Variants in KMT2C observed in about 807,000 individuals in gnomAD.
The protein encoded by KMT2C is histone-lysine N-methyltransferase 2C.
In KMT2C, 88 loss-of-function variants were observed where a neutral mutation model predicts 507.9. The ratio of observed to expected loss-of-function variants is 0.17; its 90% CI spans 0.15 to 0.21. KMT2C has a LOEUF of 0.21. Ranked by LOEUF, KMT2C falls within the 10% of genes least tolerant of loss-of-function variation. The probability of loss-of-function intolerance (pLI) is 1.00; values close to 1 mark genes in which losing one functional copy is unlikely to be tolerated. For synonymous variants in KMT2C, 2,049 were observed against 2,080.8 expected (o/e 0.98, Z 0.42); for missense variants, 4,954 against 5,957.8 (o/e 0.83, Z 5.55).
rs2129164400 is a variant in KMT2C, at chr7:152,248,445, C to A, written c.1989G>T (p.Gln663His). 2 of 1,614,104 alleles carry A rather than the reference C, an allele frequency of 1.2e-6. No individual in the cohort carries two copies. Among genetic ancestry groups the A allele is most frequent in the Non-Finnish European group, 1.7e-6 (2 of 1,180,006 alleles). Residue 663 changes from glutamine to histidine, a missense_variant, in exon 14 of 59, where the codon CAG becomes CAT. This residue lies in a region of KMT2C where 376 missense variants were observed against 352.4 expected (regional missense o/e 1.07). Transcript: ENST00000262189. ...CCTCTAACAACTGCAGTTGTTCTTG[C>A]TGCACAGTGATCTGGTGTGTAACGA... ...IEVVTHQITV[Q>H]QEQLQLLEEP...
intron 3 of KMT2C, among the ~76,000 whole-genome samples, chr7:152,323,082 G>A (rs1178702958): frequency 6.6e-6 from 1 of 151,956 alleles, no homozygotes; most frequent in Non-Finnish European, 1.5e-5. Context: ...CTGTGGGGGT[G>A]TCAATTAGTA....
In KMT2C at chr7:152,252,110, T is replaced by C. The variant is rs1350032046; in HGVS notation, c.1470-20A>G. 2 of 1,541,822 alleles carry C rather than the reference T, an allele frequency of 1.3e-6. No homozygotes were observed. The highest frequency in any genetic ancestry group is 1.8e-6 in the Non-Finnish European group (2 of 1,140,112). ...ACCCACCTGCAGTGATAAGTATACT[T>C]AAATAAAAATTTCTAACATCGAGTT... On this transcript the variant is annotated intron_variant, in intron 10 of 58. Transcript: ENST00000262189.
chr7:152,249,673 C>CAAAAAAAAAAAAAAAAAAAAAAAAAAAA (rs1183345172), intron 13 of KMT2C, among the ~76,000 whole-genome samples: 2 of 34,516 alleles, frequency 5.8e-5, no homozygotes, highest in East Asian at 1.2e-3. Flanking sequence ...CTCCCCCCTC[C>CAAAAAAAAAAAAAAAAAAAAAAAAAAAA]AAAAAAAAAA....
intron 1 of KMT2C, among the ~76,000 whole-genome samples, chr7:152,425,406 T>A (rs1248118676): frequency 1.3e-5 from 2 of 152,086 alleles, no homozygotes; most frequent in Non-Finnish European, 2.9e-5. Context: ...TGAAACCCCA[T>A]CTCCATTAAA....
In KMT2C at chr7:152,215,688, T is replaced by TATATATATATATACAC. The variant is rs766518165; in HGVS notation, c.3712+4834_3712+4835insGTGTATATATATATAT. Among the ~76,000 whole-genome samples, 44 of 134,490 alleles carry TATATATATATATACAC rather than the reference T, an allele frequency of 3.3e-4. 3 individuals carry two copies. Among genetic ancestry groups the TATATATATATATACAC allele is most frequent in the African/African-American group, 1.3e-3 (39 of 29,664 alleles). 88.2% of individuals were successfully genotyped at this position (134,490 alleles called of 152,430 possible). On this transcript the variant is annotated intron_variant, in intron 23 of 58. Transcript: ENST00000262189. Reference sequence around the variant, plus strand: ...ACAAAAGGAACAAAATATATATATATACACACACACATACACACACAAAAT... The same window carrying TATATATATATATACAC: ...ACAAAAGGAACAAAATATATATATATATATATATATATACACACACACACACATACACACACAAAAT...
intron 2 of KMT2C, among the ~76,000 whole-genome samples, chr7:152,342,714 G>A (rs866200419): frequency 2.6e-5 from 4 of 151,984 alleles, no homozygotes; most frequent in South Asian, 2.1e-4. Flanking sequence ...GGGGCCCCAC[G>A]GTTTTGTGTT....
At chr7:152,222,159 C>T (rs2094792688) in intron 21 of KMT2C, 93 bp from the exon 22 acceptor site, 2 of 809,816 alleles carry the variant, frequency 2.5e-6, no homozygotes, top group Non-Finnish European at 1.9e-6. Flanking sequence ...TGTTTCTATA[C>T]TCATTTTATT....
In KMT2C at chr7:152,226,637, T is replaced by C. The variant is rs1489970947; in HGVS notation, c.2977-2021A>G. Reference sequence around the variant, plus strand: ...TGTCTTAGATTACCAAGTTAATGTATTATTTGCCCAAATGAAGGAAATGGC... The same window carrying C: ...TGTCTTAGATTACCAAGTTAATGTACTATTTGCCCAAATGAAGGAAATGGC... On this transcript the variant is annotated intron_variant, in intron 18 of 58. Coordinates refer to ENST00000262189, the MANE Select transcript of KMT2C (RefSeq NM_170606.3). Among the ~76,000 whole-genome samples, 3 of 152,224 alleles carry C rather than the reference T, an allele frequency of 2.0e-5. No homozygotes were observed. In the East Asian group the frequency reaches 5.8e-4, roughly 29 times the overall value.
chr7:152,394,154 A>T (rs562395791), intron 1 of KMT2C, among the ~76,000 whole-genome samples: 1 of 152,202 alleles, frequency 6.6e-6, no homozygotes, highest in South Asian at 2.1e-4. Context: ...TGCTAATATT[A>T]TCTAACATGC....
intron 6 of KMT2C, among the ~76,000 whole-genome samples, chr7:152,288,790 G>C (rs2096354196): frequency 6.6e-6 from 1 of 152,208 alleles, no homozygotes; most frequent in South Asian, 2.1e-4. Flanking sequence ...AGATAAATAA[G>C]AGAAATGACA....
intron 5 of KMT2C, among the ~76,000 whole-genome samples, chr7:152,311,467 G>A (rs2129200130): frequency 6.6e-6 from 1 of 152,176 alleles, no homozygotes. Flanking sequence ...AATAGACTCA[G>A]AATGCCACAT....
At chr7:152,360,684 A>C (rs2097189780) in intron 1 of KMT2C, among the ~76,000 whole-genome samples, 2 of 151,786 alleles carry the variant, frequency 1.3e-5, no homozygotes, top group East Asian at 3.9e-4. Flanking sequence ...AAAAAATACA[A>C]AAACAAAAAG....
chr7:152,181,374 A>T lies in KMT2C; in HGVS notation c.6486T>A (p.Pro2162=). The T allele has an allele frequency of 6.2e-7, 1 of 1,613,806 alleles. No homozygotes were observed. Among genetic ancestry groups the T allele is most frequent in the Non-Finnish European group, 8.5e-7 (1 of 1,179,976 alleles). The part of the protein sequence containing the change: ...ARSNTDPYSQ[P]PGTPRPTTVD... ...CAGTAGTAGGCCGGGGAGTTCCAGG[A>T]GGTTGAGAGTAAGGGTCTGTATTGG... is the stretch of plus-strand genomic sequence containing the variant. The change falls in exon 36 of 59, where the codon CCT becomes CCA. Residue 2162 remains proline (P), a synonymous_variant. Transcript: ENST00000262189.
At chr7:152,221,039 C>T (rs1213696291) in intron 22 of KMT2C, among the ~76,000 whole-genome samples, 3 of 152,080 alleles carry the variant, frequency 2.0e-5, no homozygotes, top group Non-Finnish European at 2.9e-5. Context: ...AGGCAGATCA[C>T]GAGGTCATGA....
intron 31 of KMT2C, among the ~76,000 whole-genome samples, chr7:152,189,622 G>A (rs1447704561): frequency 6.6e-6 from 1 of 152,124 alleles, no homozygotes; most frequent in Non-Finnish European, 1.5e-5. Flanking sequence ...CAGTATGTAT[G>A]TGCAGATACT....
At position 152,177,637 on chromosome 7, in the gene KMT2C, C is replaced by G. The variant is rs1482394364; in HGVS notation, c.7816G>C (p.Asp2606His). 6 of 1,613,954 alleles carry G rather than the reference C, an allele frequency of 3.7e-6. No individual in the cohort carries two copies. The highest frequency in any genetic ancestry group is 2.2e-5 in the East Asian group (1 of 44,874). Reference protein sequence around the residue: ...RPDFPGPRHTDPMRRPPQGLP... With the variant: ...RPDFPGPRHTHPMRRPPQGLP... ...CCCTGGGGAGGTCGTCGCATGGGGT[C>G]TGTGTGTCTAGGGCCCGGAAAGTCT... is the stretch of plus-strand genomic sequence containing the variant. Residue 2606 changes from aspartate to histidine, a missense_variant, in exon 38 of 59, where the codon GAC becomes CAC. Transcript: ENST00000262189.
intron 27 of KMT2C, among the ~76,000 whole-genome samples, chr7:152,197,707 A>G (rs2129131893): frequency 6.6e-6 from 1 of 152,252 alleles, no homozygotes; most frequent in South Asian, 2.1e-4. Flanking sequence ...AAAGGATTTT[A>G]TATCTGAATA....
intron 1 of KMT2C, among the ~76,000 whole-genome samples, chr7:152,404,372 C>T (rs557193289): frequency 5.3e-5 from 8 of 150,790 alleles, no homozygotes; most frequent in African/African-American, 1.5e-4. Context: ...CGGTGGCTGA[C>T]GCCTGTAATC....
intron 1 of KMT2C, among the ~76,000 whole-genome samples, chr7:152,390,375 G>T (rs112662606): frequency 3.6e-3 from 529 of 145,176 alleles, no homozygotes; most frequent in Admixed American, 6.9e-3. Flanking sequence ...ATTTTTACCA[G>T]TTCCACAAAG....
Sources: gnomAD v4.1 joint callset for allele counts (sites outside exome capture counted in the v4.1 genomes callset) on GRCh38, gnomAD v4.1.1 for gene constraint, gnomAD v4.1.1 regional missense constraint, MANE v1.5 for transcripts, NCBI Gene and HGNC (gene_info 2026-07-23, HGNC 2026-07-21) for gene names.